The following ANTXR2 variants were observed in gnomAD, a reference collection of about 807,000 sequenced individuals.
The protein encoded by ANTXR2 is anthrax toxin receptor 2.
Under a neutral mutation model 73.7 loss-of-function variants are expected in ANTXR2, and 44 were observed. The observed-to-expected ratio is 0.60, with a 90% CI of 0.47 to 0.77. ANTXR2 has a LOEUF of 0.77. Ranked by LOEUF, ANTXR2 falls within the 30% of genes least tolerant of loss-of-function variation. The pLI is 0.00. For synonymous variants in ANTXR2, 217 were observed against 205.9 expected (o/e 1.05, Z -0.46); for missense variants, 604 against 592.5 (o/e 1.02, Z -0.20).
intron 12 of ANTXR2, among the ~76,000 whole-genome samples, chr4:79,986,835 G>A (rs1032897153): frequency 2.0e-5 from 3 of 152,164 alleles, no homozygotes; most frequent in Non-Finnish European, 2.9e-5. Flanking sequence ...AAAGCCATAT[G>A]CCCAGTCCCA....
chr4:80,050,372 C>T (rs911275273), intron 7 of ANTXR2, among the ~76,000 whole-genome samples: 23 of 151,514 alleles, frequency 1.5e-4, no homozygotes, highest in Non-Finnish European at 8.9e-5. Context: ...CATGTCAGTG[C>T]CATGTCCTTT....
Position 79,967,060 on chromosome 4 carries a change from G to GCGCAC in ANTXR2, c.1428+10556_1428+10560dup, listed in dbSNP as rs932136048. Among the ~76,000 whole-genome samples, 4 of 72,388 alleles carry GCGCAC rather than the reference G, an allele frequency of 5.5e-5. 2 individuals carry two copies. In the East Asian group the frequency reaches 0.011, roughly 190 times the overall value. The allele number at this position is 72,388 out of a possible 152,430, so 47.5% of individuals were successfully genotyped here. On this transcript the variant is annotated intron_variant, in intron 16 of 16. Coordinates refer to ENST00000403729, the MANE Select transcript of ANTXR2 (RefSeq NM_058172.6). ...ACAGTGGGCGCAGGCCAGTGTGTGT[G>GCGCAC]CGCACCGTGCGCGAGCCGAAGCAGG...
intron 9 of ANTXR2, among the ~76,000 whole-genome samples, chr4:80,033,028 A>T (rs944179115): frequency 6.6e-6 from 1 of 151,984 alleles, no homozygotes; most frequent in Non-Finnish European, 1.5e-5. Flanking sequence ...AAAAAGGAAC[A>T]AGTAGGAGAG....
chr4:80,051,296 G>T (rs1733764533), intron 7 of ANTXR2, among the ~76,000 whole-genome samples: 1 of 151,518 alleles, frequency 6.6e-6, no homozygotes, highest in African/African-American at 2.4e-5. Context: ...AATCTTTCAG[G>T]GGACTACCAT....
At chr4:80,019,085 T>A in intron 10 of ANTXR2, 109 bp from the exon 11 acceptor site, 1 of 730,858 alleles carries the variant, frequency 1.4e-6, no homozygotes, top group Non-Finnish European at 2.1e-6. Context: ...ACTTAAAGAG[T>A]AAGGGTCTCA....
At chr4:79,961,536 G>A (rs993352456) in intron 16 of ANTXR2, among the ~76,000 whole-genome samples, 10 of 152,098 alleles carry the variant, frequency 6.6e-5, no homozygotes, top group Admixed American at 1.3e-4. Flanking sequence ...CCTGGCTCAA[G>A]CAATCCTCCC....
chr4:79,993,064 AG>A (rs1418938744), intron 12 of ANTXR2, among the ~76,000 whole-genome samples: 1 of 151,986 alleles, frequency 6.6e-6, no homozygotes, highest in Non-Finnish European at 1.5e-5. Flanking sequence ...CTACCAAAAA[AG>A]GGTTTATTAA....
intron 14 of ANTXR2, among the ~76,000 whole-genome samples, chr4:79,982,908 G>A (rs1258542379): frequency 6.6e-6 from 1 of 152,118 alleles, no homozygotes; most frequent in Non-Finnish European, 1.5e-5. Flanking sequence ...TTCTGAAGAA[G>A]AGTAAAATTT....
chr4:79,953,120 C>A (rs899202164), intron 16 of ANTXR2, among the ~76,000 whole-genome samples: 2 of 152,090 alleles, frequency 1.3e-5, no homozygotes, highest in Non-Finnish European at 2.9e-5. Flanking sequence ...GGAGGCCGAC[C>A]TCCAGATGCT....
chr4:79,990,928 C>A (rs543978265), intron 12 of ANTXR2, among the ~76,000 whole-genome samples: 3 of 152,114 alleles, frequency 2.0e-5, no homozygotes, highest in South Asian at 2.1e-4. Flanking sequence ...TGAAACTAAA[C>A]CCCTTCTTTT....
Position 80,073,089 on chromosome 4 carries a change from T to G in ANTXR2, c.-529A>C. 1 of 153,016 alleles carries G rather than the reference T, an allele frequency of 6.5e-6. No individual in the cohort carries two copies. Among genetic ancestry groups the G allele is most frequent in the Non-Finnish European group, 1.5e-5 (1 of 68,592 alleles). The allele number at this position is 153,016 out of a possible 1,614,324, so 9.5% of individuals were successfully genotyped here. On this transcript the variant is annotated 5_prime_UTR_variant, in exon 1 of 17. Transcript: ENST00000403729. ...CCAACTCCCTCCGCACTCCGAAACT[T>G]TCCTCCCGGTGCTGGACTCTGGCAC...
chr4:80,005,904 A>T (rs1270458984), intron 12 of ANTXR2, among the ~76,000 whole-genome samples: 1 of 152,268 alleles, frequency 6.6e-6, no homozygotes, highest in South Asian at 2.1e-4. Context: ...TTCTATTACA[A>T]GACATAGGAG....
chr4:80,056,027 T>G lies in ANTXR2; in HGVS notation c.297-14A>C. ...CTGATTTTGCCTCTGAAAATAATATTAAACAAAAGAAAAAATGAGCAAAGA... is the reference window on the plus strand; with the variant it reads ...CTGATTTTGCCTCTGAAAATAATATGAAACAAAAGAAAAAATGAGCAAAGA... On this transcript the variant is annotated splice_polypyrimidine_tract_variant and intron_variant, in intron 3 of 16. Coordinates refer to ENST00000403729, the MANE Select transcript of ANTXR2 (RefSeq NM_058172.6). The G allele has an allele frequency of 6.6e-7, 1 of 1,508,430 alleles. No homozygotes were observed. The highest frequency in any genetic ancestry group is 8.9e-7 in the Non-Finnish European group (1 of 1,125,076). 93.4% of individuals were successfully genotyped at this position (1,508,430 alleles called of 1,614,324 possible).
chr4:80,060,832 G>C (rs150448042), intron 3 of ANTXR2, among the ~76,000 whole-genome samples: 1 of 152,266 alleles, frequency 6.6e-6, no homozygotes, highest in South Asian at 2.1e-4. Flanking sequence ...GGGGAGTCTA[G>C]TGTACCCCAA....
rs546398867 is a variant in ANTXR2, at chr4:79,984,744, T to C, written c.1086+75A>G. ...TATCATAGTTATCTAACAGACAAAA[T>C]TGATTAAATTTGGGCATGGTATCTG... On this transcript the variant is annotated intron_variant, in intron 13 of 16. Transcript: ENST00000403729. The C allele has an allele frequency of 3.7e-5, 47 of 1,269,952 alleles. 1 individual carries two copies. Among genetic ancestry groups the C allele is most frequent in the South Asian group, 3.6e-4 (28 of 78,388 alleles). 78.7% of individuals were successfully genotyped at this position (1,269,952 alleles called of 1,614,324 possible). A position where few individuals can be genotyped will look rare whatever the true frequency, so the allele number is the denominator to read the frequency against.
intron 16 of ANTXR2, among the ~76,000 whole-genome samples, chr4:79,951,945 G>A (rs1728723163): frequency 6.6e-6 from 1 of 152,054 alleles, no homozygotes; most frequent in Non-Finnish European, 1.5e-5. Flanking sequence ...CGTTGTATAT[G>A]TGGATTGTTG....
intron 3 of ANTXR2, among the ~76,000 whole-genome samples, chr4:80,067,071 T>C (rs1203315529): frequency 6.6e-6 from 1 of 151,920 alleles, no homozygotes; most frequent in Non-Finnish European, 1.5e-5. Context: ...CCGGGCGTGG[T>C]GGTGGGTGCC....
At chr4:79,924,687 C>T (rs573469673) in intron 16 of ANTXR2, among the ~76,000 whole-genome samples, 2 of 152,060 alleles carry the variant, frequency 1.3e-5, no homozygotes, top group South Asian at 2.1e-4. Flanking sequence ...GCATTAGGAA[C>T]ATGAAAGTAC....
intron 12 of ANTXR2, among the ~76,000 whole-genome samples, chr4:80,003,112 G>T (rs576213650): frequency 1.3e-5 from 2 of 152,000 alleles, no homozygotes; most frequent in Non-Finnish European, 2.9e-5. Context: ...ATATGCACAC[G>T]TATGTTTATT....
Sources: allele counts gnomAD v4.1 joint callset (sites outside exome capture counted in the v4.1 genomes callset), GRCh38; gene constraint gnomAD v4.1.1; transcripts MANE v1.5; gene names NCBI Gene and HGNC (gene_info 2026-07-23, HGNC 2026-07-21).